CEP120: variants seen among roughly 807,000 people sequenced by gnomAD.
The protein encoded by CEP120 is centrosomal protein of 120 kDa.
A neutral mutation model predicts 126.5 loss-of-function variants in CEP120; 113 were observed. The ratio of observed to expected loss-of-function variants is 0.89; its 90% CI spans 0.77 to 1.04. The LOEUF is 1.04. CEP120 is among the 50% of genes least tolerant of loss of function. CEP120 has a pLI of 0.00. For synonymous variants in CEP120, 400 were observed against 394.3 expected, an observed-to-expected ratio of 1.01 and a Z score of -0.17; for missense variants, 1,230 against 1,155.7, an observed-to-expected ratio of 1.06 and a Z score of -0.93.
At position 123,386,549 on chromosome 5, in the gene CEP120, T is replaced by A. The variant is rs374881013; in HGVS notation, c.1549A>T (p.Met517Leu). The change falls in exon 10 of 20, where the codon ATG becomes TTG. Residue 517 changes from methionine to leucine, a missense_variant. Transcript: ENST00000306467. ...QSYCAFDFAT[M>L]PHQLQDTFLR... Reference sequence around the variant, plus strand: ...AAGGTGTCTTGCAGCTGATGAGGCATAGTTGCAAAATCAAATGCACAGTAA... The same window carrying A: ...AAGGTGTCTTGCAGCTGATGAGGCAAAGTTGCAAAATCAAATGCACAGTAA... The A allele has an allele frequency of 5.0e-6, 8 of 1,586,244 alleles. No individual in the cohort carries two copies. The highest frequency in any genetic ancestry group is 3.3e-4 in the Middle Eastern group (2 of 5,980).
chr5:123,347,299 C>G (rs1768895179), intron 19 of CEP120, among the ~76,000 whole-genome samples: 1 of 152,018 alleles, frequency 6.6e-6, no homozygotes, highest in Admixed American at 6.6e-5. Flanking sequence ...TTAGGTTGCT[C>G]CTAAACCTTT....
At position 123,372,766 on chromosome 5, in the gene CEP120, C is replaced by T. The variant is rs769877354; in HGVS notation, c.2365G>A (p.Asp789Asn). The change falls in exon 17 of 20, where the codon GAT becomes AAT. Residue 789 changes from aspartate (D) to asparagine (N), a missense_variant. Coordinates refer to ENST00000306467, the MANE Select transcript of CEP120 (RefSeq NM_001375405.1). ...DKHRLQQQLNDAENKYKILEK... is the reference protein window; with the variant it reads ...DKHRLQQQLNNAENKYKILEK... The stretch of plus-strand genomic sequence containing the variant: ...AAAATCTTATACTTATTTTCAGCAT[C>T]ATTAAGCTGTATTAAAAAAAGTTTA... 1.3e-6 allele frequency: 2 copies of T among 1,597,098 alleles called. No homozygotes were observed. Among genetic ancestry groups the T allele is most frequent in the South Asian group, 1.1e-5 (1 of 87,884 alleles).
At chr5:123,360,970 A>G (rs938534585) in intron 18 of CEP120, among the ~76,000 whole-genome samples, 12 of 151,886 alleles carry the variant, frequency 7.9e-5, no homozygotes, top group African/African-American at 2.9e-4. Flanking sequence ...TGACAAAGTA[A>G]AAAGTTCTTG....
intron 17 of CEP120, among the ~76,000 whole-genome samples, chr5:123,369,432 A>G (rs1380897379): frequency 6.6e-6 from 1 of 152,010 alleles, no homozygotes; most frequent in Non-Finnish European, 1.5e-5. Flanking sequence ...ACTGTTAACT[A>G]CTATTATACT....
At position 123,402,738 on chromosome 5, in the gene CEP120, C is replaced by A. The variant is rs2127101312; in HGVS notation, c.464-3454G>T. ...TTCAATGTATATTGATAAATATAAG[C>A]AAAATGGTGTATATGTGCTATGGTT... On this transcript the variant is annotated intron_variant, in intron 4 of 19. Coordinates refer to ENST00000306467, the MANE Select transcript of CEP120 (RefSeq NM_001375405.1). Among the ~76,000 whole-genome samples, 2 of 152,282 alleles carry A rather than the reference C, an allele frequency of 1.3e-5. 1 individual carries two copies. Among genetic ancestry groups the A allele is most frequent in the South Asian group, 4.1e-4 (2 of 4,826 alleles).
intron 14 of CEP120, among the ~76,000 whole-genome samples, chr5:123,379,278 A>G (rs3990341): frequency 0.66 from 100,313 of 151,808 alleles, 33,312 homozygotes; most frequent in Middle Eastern, 0.68. Context: ...ATAACCTTTC[A>G]CTACTATTAG....
upstream of CEP120, chr5:123,423,621 G>A (rs552420330): frequency 6.6e-6 from 1 of 152,166 alleles, no homozygotes; most frequent in African/African-American, 2.4e-5. Context: ...AGCCTTTAAG[G>A]AGCGTGAGTG....
At position 123,350,003 on chromosome 5, in the gene CEP120, T is replaced by C; in HGVS notation, c.2667A>G (p.Glu889=). The change falls in exon 19 of 20, where the codon GAA becomes GAG. Residue 889 remains glutamate, a synonymous_variant. Transcript: ENST00000306467. ...GTCGCTCGGTTTTTACTGTATCTTT[T>C]TCCTCAGCGGCAAGGTAACGTAGTC... The part of the protein sequence containing the change: ...QMRLRYLAAE[E]KDTVKTERQE... The C allele has an allele frequency of 3.1e-6, 5 of 1,613,874 alleles. No individual in the cohort carries two copies. The highest frequency in any genetic ancestry group is 1.1e-5 in the South Asian group (1 of 91,064).
intron 9 of CEP120, 97 bp downstream of exon 9, chr5:123,388,335 A>G (rs1268824255): frequency 6.2e-6 from 5 of 805,008 alleles, no homozygotes; most frequent in East Asian, 2.9e-5. Flanking sequence ...AACAAATGTT[A>G]TAACTTCTTT....
chr5:123,407,960 T>TA (rs756199228), intron 4 of CEP120, among the ~76,000 whole-genome samples: 86 of 151,596 alleles, frequency 5.7e-4, no homozygotes, highest in African/African-American at 1.9e-3. Context: ...ACACATGGGT[T>TA]AAAAAAAAAT....
chr5:123,353,524 G>GAAC lies in CEP120; in HGVS notation c.2581-3436_2581-3435insGTT, dbSNP rs1769353000. 6.7e-5 allele frequency among the ~76,000 whole-genome samples: 10 copies of GAAC among 150,340 alleles called. No individual in the cohort carries two copies. The South Asian group carries it at 1.9e-3, about 28-fold the overall frequency. ...GCTAGTCTCATTAAAAAAAAAGTAAGCATTTTTCACTTCCCATTTTCTAAA... is the reference window on the plus strand; with the variant it reads ...GCTAGTCTCATTAAAAAAAAAGTAAGAACCATTTTTCACTTCCCATTTTCTAAA... On this transcript the variant is annotated intron_variant, in intron 18 of 19. Transcript: ENST00000306467.
intron 18 of CEP120, chr5:123,358,487 G>GTTATATGGTGCTGCAAATTGGCTTTT (rs1769820191): frequency 7.9e-5 from 12 of 152,100 alleles, no homozygotes; most frequent in Admixed American, 7.9e-4. Flanking sequence ...TAGTGTCTAT[G>GTTATATGGTGCTGCAAATTGGCTTTT]TTATATGGTG....
chr5:123,400,831 G>T, intron 4 of CEP120: 1 of 873,462 alleles, frequency 1.1e-6, no homozygotes, highest in South Asian at 1.3e-5. Flanking sequence ...TGGGTCTCCT[G>T]TTCCCAGTGC....
intron 4 of CEP120, among the ~76,000 whole-genome samples, chr5:123,405,665 C>A (rs561335260): frequency 3.3e-5 from 5 of 152,262 alleles, no homozygotes; most frequent in African/African-American, 1.2e-4. Context: ...GGGGCACAGG[C>A]TCAGTAAAAG....
At position 123,377,471 on chromosome 5, in the gene CEP120, G is replaced by C; in HGVS notation, c.2261C>G (p.Ser754Cys). The C allele has an allele frequency of 1.9e-6, 3 of 1,606,986 alleles. No homozygotes were observed. Among genetic ancestry groups the C allele is most frequent in the South Asian group, 1.1e-5 (1 of 89,064 alleles). ...ACAGTCCTCTTTGGCCCTACGGATAGAGTCCTGCAGTTCTTGCAGGTTCCG... is the reference window on the plus strand; with the variant it reads ...ACAGTCCTCTTTGGCCCTACGGATACAGTCCTGCAGTTCTTGCAGGTTCCG... ...RQRNLQELQD[S>C]IRRAKEDCIH... Residue 754 changes from serine to cysteine, a missense_variant, in exon 16 of 20, where the codon TCT (serine) becomes TGT (cysteine). By Grantham distance (112) the Ser-to-Cys change is moderately radical (BLOSUM62 -1). Coordinates refer to ENST00000306467, the MANE Select transcript of CEP120 (RefSeq NM_001375405.1).
intron 6 of CEP120, among the ~76,000 whole-genome samples, chr5:123,393,066 T>G (rs780174173): frequency 1.4e-4 from 22 of 152,230 alleles, no homozygotes; most frequent in Non-Finnish European, 2.5e-4. Context: ...GATATACCTC[T>G]TTTCTCAATT....
At chr5:123,367,374 A>G (rs565773541) in intron 17 of CEP120, among the ~76,000 whole-genome samples, 7 of 151,502 alleles carry the variant, frequency 4.6e-5, no homozygotes, top group African/African-American at 1.7e-4. Flanking sequence ...TCAATATTTC[A>G]TTTTTTAAAG....
intron 1 of CEP120, among the ~76,000 whole-genome samples, chr5:123,420,761 G>A (rs1227928713): frequency 6.6e-6 from 1 of 152,192 alleles, no homozygotes; most frequent in Non-Finnish European, 1.5e-5. Context: ...GGTGGATAAT[G>A]AGGGCCCCTT....
At chr5:123,356,959 G>GT (rs34984032) in intron 18 of CEP120, among the ~76,000 whole-genome samples, 68,180 of 151,718 alleles carry the variant, frequency 0.45, 15,556 homozygotes, top group South Asian at 0.57. Context: ...AAGAACCCAG[G>GT]TATTTCTTTT....
Sources: gnomAD v4.1 joint callset for allele counts (sites outside exome capture counted in the v4.1 genomes callset) on GRCh38, gnomAD v4.1.1 for gene constraint, MANE v1.5 for transcripts, NCBI Gene and HGNC (gene_info 2026-07-23, HGNC 2026-07-21) for gene names.